COX7A1: variants seen among roughly 807,000 people sequenced by gnomAD.
COX7A1 encodes cytochrome c oxidase subunit 7A1.
COX7A1 carries 21 observed loss-of-function variants against 13.2 expected under a neutral mutation model. That is an observed-to-expected ratio of 1.59 (90% CI 1.13 to 2.29). COX7A1 has a LOEUF of 2.29. COX7A1 is among the 30% of genes most tolerant of loss of function. The pLI, the probability that COX7A1 is intolerant of heterozygous loss-of-function variation, is 0.00. For missense variants in COX7A1, 107 were observed against 100.0 expected (o/e 1.07, Z -0.30); for synonymous variants, 41 against 41.9 (o/e 0.98, Z 0.08).
intron 1 of COX7A1, 94 bp from the exon 2 acceptor site, chr19:36,151,849 C>G (rs2145939238): frequency 9.0e-7 from 1 of 1,111,726 alleles, no homozygotes; most frequent in Non-Finnish European, 1.3e-6. Flanking sequence ...GGGGACAGCC[C>G]CATCCCTAGC....
intron 1 of COX7A1, 40 bp downstream of exon 1, chr19:36,152,353 T>C: frequency 7.6e-7 from 1 of 1,313,124 alleles, no homozygotes; most frequent in Non-Finnish European, 9.8e-7. Flanking sequence ...GGCGGGGTTT[T>C]CTGGGTGGGG....
rs750209204 is a variant in COX7A1, at chr19:36,152,392, C to G, written c.15+1G>C. On this transcript the variant is annotated splice_donor_variant, in intron 1 of 3. Coordinates refer to ENST00000292907, the MANE Select transcript of COX7A1 (RefSeq NM_001864.4). LOFTEE classifies it high-confidence loss of function. ...TCCGGCCCAGCCCATGGGGGCCTCACCCGAAGGGCCTGCATTCTGCCTTGT... is the reference window on the plus strand; with the variant it reads ...TCCGGCCCAGCCCATGGGGGCCTCAGCCGAAGGGCCTGCATTCTGCCTTGT... The G allele has an allele frequency of 1.7e-5, 23 of 1,364,810 alleles. No homozygotes were observed. The highest frequency in any genetic ancestry group is 5.7e-5 in the East Asian group (2 of 34,910). 84.5% of individuals were successfully genotyped at this position (1,364,810 alleles called of 1,614,324 possible). A position where few individuals can be genotyped will look rare whatever the true frequency, so the allele number is the denominator to read the frequency against.
rs3214131 is a variant in COX7A1 at position 36,151,660 on chromosome 19, A to ACCCCCCC, written c.102+8_102+9insGGGGGGG. 29 of 1,114,416 alleles carry ACCCCCCC rather than the reference A, an allele frequency of 2.6e-5. No individual in the cohort carries two copies. The highest frequency in any genetic ancestry group is 1.9e-4 in the Admixed American group (9 of 46,676). 69.0% of individuals were successfully genotyped at this position (1,114,416 alleles called of 1,614,324 possible). A position where few individuals can be genotyped will look rare whatever the true frequency, so the allele number is the denominator to read the frequency against. On this transcript the variant is annotated intron_variant, in intron 2 of 3. Coordinates refer to ENST00000292907, the MANE Select transcript of COX7A1 (RefSeq NM_001864.4). Reference sequence around the variant, plus strand: ...GCGCGTCGGATCCCCACCCCCCCCGACCCCCCACCTGGAAGAGCTTCTGTT... The same window carrying ACCCCCCC: ...GCGCGTCGGATCCCCACCCCCCCCGACCCCCCCCCCCCCACCTGGAAGAGCTTCTGTT...
intron 1 of COX7A1, chr19:36,152,041 T>G (rs561917619): frequency 3.3e-6 from 2 of 598,692 alleles, no homozygotes. Context: ...GAGATTTTTG[T>G]TGGGGGAGGG....
chr19:36,151,896 T>TCCAAG, intron 1 of COX7A1, 141 bp from the exon 2 acceptor site: 1 of 820,266 alleles, frequency 1.2e-6, no homozygotes, highest in Non-Finnish European at 2.1e-6. Context: ...TAGCTTGGAT[T>TCCAAG]CTGTTACCCG....
At chr19:36,151,645 T>TCCCCCCCCCCCC in intron 2 of COX7A1, 24 bp downstream of exon 2, 68 of 1,387,510 alleles carry the variant, frequency 4.9e-5, no homozygotes, top group Middle Eastern at 1.8e-4. Context: ...GCGCGTCGGA[T>TCCCCCCCCCCCC]CCCCACCCCC....
chr19:36,151,397 C>A, intron 3 of COX7A1, 65 bp downstream of exon 3: 1 of 1,576,094 alleles, frequency 6.3e-7, no homozygotes, highest in South Asian at 1.1e-5. Context: ...TGCCCAGAAA[C>A]CAGCCACCTC....
chr19:36,152,318 G>A (rs1974786145), intron 1 of COX7A1, 75 bp downstream of exon 1: 1 of 1,118,888 alleles, frequency 8.9e-7, no homozygotes, highest in East Asian at 3.2e-5. Context: ...CTAGATGCGG[G>A]GGCACTTGGA....
Position 36,151,652 on chromosome 19 carries a change from C to CGGCCG in COX7A1, c.102+16_102+17insCGGCC. On this transcript the variant is annotated intron_variant, in intron 2 of 3. Coordinates refer to ENST00000292907, the MANE Select transcript of COX7A1 (RefSeq NM_001864.4). ...CCCGGCTGGCGCGTCGGATCCCCAC[C>CGGCCG]CCCCCCGACCCCCCACCTGGAAGAG... The CGGCCG allele has an allele frequency of 7.1e-7, 1 of 1,410,464 alleles. No individual in the cohort carries two copies. The highest frequency in any genetic ancestry group is 9.7e-7 in the Non-Finnish European group (1 of 1,028,438). The allele number at this position is 1,410,464 out of a possible 1,614,324, so 87.4% of individuals were successfully genotyped here.
rs761764097 is a variant in COX7A1 at position 36,151,659 on chromosome 19, G to C, written c.102+10C>G. 4,883 of 1,279,380 alleles carry C rather than the reference G, an allele frequency of 3.8e-3. 3 individuals carry two copies. The highest frequency in any genetic ancestry group is 7.0e-3 in the Admixed American group (352 of 50,124). 79.3% of individuals were successfully genotyped at this position (1,279,380 alleles called of 1,614,324 possible). On this transcript the variant is annotated intron_variant, in intron 2 of 3. Coordinates refer to ENST00000292907, the MANE Select transcript of COX7A1 (RefSeq NM_001864.4). ...GGCGCGTCGGATCCCCACCCCCCCC[G>C]ACCCCCCACCTGGAAGAGCTTCTGT...
chr19:36,151,650 A>ACCCCCCC lies in COX7A1; in HGVS notation c.102+12_102+18dup. ...CTCCCGGCTGGCGCGTCGGATCCCC[A>ACCCCCCC]CCCCCCCCGACCCCCCACCTGGAAG... is the stretch of plus-strand genomic sequence containing the variant. On this transcript the variant is annotated intron_variant, in intron 2 of 3. Transcript: ENST00000292907. 2 of 1,078,304 alleles carry ACCCCCCC rather than the reference A, an allele frequency of 1.9e-6. No homozygotes were observed. The highest frequency in any genetic ancestry group is 2.6e-6 in the Non-Finnish European group (2 of 775,878). 66.8% of individuals were successfully genotyped at this position (1,078,304 alleles called of 1,614,324 possible).
intron 3 of COX7A1, 45 bp from the exon 4 acceptor site, chr19:36,151,079 C>T: frequency 6.3e-7 from 1 of 1,584,436 alleles, no homozygotes; most frequent in Non-Finnish European, 8.6e-7. Flanking sequence ...CTAATCCCCT[C>T]CCTGGACATC....
Position 36,150,922 on chromosome 19 carries a change from CAG to C in COX7A1, c.*58_*59del. The C allele has an allele frequency of 6.5e-7, 1 of 1,542,498 alleles. No individual in the cohort carries two copies. Among genetic ancestry groups the C allele is most frequent in the South Asian group, 1.1e-5 (1 of 89,526 alleles). On this transcript the variant is annotated 3_prime_UTR_variant, in exon 4 of 4. Coordinates refer to ENST00000292907, the MANE Select transcript of COX7A1 (RefSeq NM_001864.4). Reference sequence around the variant, plus strand: ...GGGTGGACACAAACACAGACACACACAGAGGCCAGCGTTTATTGACACTTGTT... The same window carrying C: ...GGGTGGACACAAACACAGACACACACAGGCCAGCGTTTATTGACACTTGTT...
intron 2 of COX7A1, 24 bp downstream of exon 2, chr19:36,151,645 T>TGGCCCCCCCCCCC: frequency 7.2e-7 from 1 of 1,387,596 alleles, no homozygotes; most frequent in Non-Finnish European, 9.9e-7. Flanking sequence ...GCGCGTCGGA[T>TGGCCCCCCCCCCC]CCCCACCCCC....
intron 3 of COX7A1, among the ~76,000 whole-genome samples, 180 bp from the exon 4 acceptor site, chr19:36,151,214 C>CTGGGAGAA (rs1368560853): frequency 6.6e-6 from 1 of 152,150 alleles, no homozygotes; most frequent in East Asian, 1.9e-4. Context: ...CTAGACCGGG[C>CTGGGAGAA]TGGGAGCTTT....
chr19:36,151,045 G>A lies in COX7A1; in HGVS notation c.188-11C>T, dbSNP rs1380709670. 1.9e-6 allele frequency: 3 copies of A among 1,613,158 alleles called. No homozygotes were observed. Among genetic ancestry groups the A allele is most frequent in the African/African-American group, 1.3e-5 (1 of 74,862 alleles). On this transcript the variant is annotated splice_polypyrimidine_tract_variant and intron_variant, in intron 3 of 3. Coordinates refer to ENST00000292907, the MANE Select transcript of COX7A1 (RefSeq NM_001864.4). The stretch of plus-strand genomic sequence containing the variant: ...AGCTGTAGACAGTGCCTAGAAAGGG[G>A]AAGCGTTGGAGACAGAATGAGACCT...
chr19:36,151,817 C>T, intron 1 of COX7A1, 62 bp from the exon 2 acceptor site: 3 of 1,415,074 alleles, frequency 2.1e-6, no homozygotes, highest in Non-Finnish European at 2.9e-6. Flanking sequence ...AAGTGGGACC[C>T]CGCTCTCTGA....
In COX7A1 at chr19:36,151,666, C is replaced by A. The variant is rs376001720; in HGVS notation, c.102+3G>T. ...CGGATCCCCACCCCCCCCGACCCCC[C>A]ACCTGGAAGAGCTTCTGTTTCTCGC... On this transcript the variant is annotated splice_donor_region_variant and intron_variant, in intron 2 of 3. Transcript: ENST00000292907. The A allele has an allele frequency of 5.2e-5, 83 of 1,584,802 alleles. No homozygotes were observed. The highest frequency in any genetic ancestry group is 7.0e-5 in the Non-Finnish European group (81 of 1,162,724).
At chr19:36,151,435 C>G (rs754836489) in intron 3 of COX7A1, 27 bp downstream of exon 3, 2 of 1,613,348 alleles carry the variant, frequency 1.2e-6, no homozygotes, top group Admixed American at 1.7e-5. Flanking sequence ...CCGCCTCCCC[C>G]GCAGCCCAGA....
Sources: allele counts gnomAD v4.1 joint callset (sites outside exome capture counted in the v4.1 genomes callset), GRCh38; gene constraint gnomAD v4.1.1; transcripts MANE v1.5; gene names NCBI Gene and HGNC (gene_info 2026-07-23, HGNC 2026-07-21).